The following TMEM132C variants were observed in gnomAD, a reference collection of about 807,000 sequenced individuals.
TMEM132C encodes the protein protein phosphatase 1, regulatory subunit 152.
TMEM132C carries 29 observed loss-of-function variants against 61.4 expected under a neutral mutation model. The ratio of observed to expected loss-of-function variants is 0.47; its 90% CI spans 0.35 to 0.64. The LOEUF is 0.64. Among genes scored for constraint, TMEM132C ranks in the 30% least tolerant of loss-of-function variants. The probability of loss-of-function intolerance (pLI) is 0.00; values close to 1 mark genes in which losing one functional copy is unlikely to be tolerated. For synonymous variants in TMEM132C, 656 were observed against 633.1 expected (o/e 1.04, Z -0.54); for missense variants, 1,408 against 1,476.9 (o/e 0.95, Z 0.76).
chr12:128,604,041 T>G (rs1479824881), intron 3 of TMEM132C, among the ~76,000 whole-genome samples: 2 of 152,202 alleles, frequency 1.3e-5, no homozygotes, highest in Non-Finnish European at 2.9e-5. Flanking sequence ...AGGTTTTCCC[T>G]CCGTGTCTCT....
intron 2 of TMEM132C, among the ~76,000 whole-genome samples, chr12:128,473,545 C>T (rs796351650): frequency 7.6e-6 from 1 of 131,434 alleles, no homozygotes; most frequent in Admixed American, 7.5e-5. Context: ...CATCTTCACT[C>T]CAGCATCCAT....
chr12:128,271,680 G>A (rs113580730), intron 1 of TMEM132C, among the ~76,000 whole-genome samples: 1 of 152,242 alleles, frequency 6.6e-6, no homozygotes, highest in East Asian at 1.9e-4. Flanking sequence ...CTCTTCCTCT[G>A]CTCACTCGCC....
At chr12:128,294,114 C>T (rs1871330771) in intron 1 of TMEM132C, 1 of 154,664 alleles carries the variant, frequency 6.5e-6, no homozygotes, top group African/African-American at 2.4e-5. Flanking sequence ...GAGGAGGCAT[C>T]TTGAGAAATG....
intron 1 of TMEM132C, among the ~76,000 whole-genome samples, chr12:128,276,690 GT>G (rs1165998287): frequency 6.6e-6 from 1 of 152,090 alleles, no homozygotes; most frequent in Non-Finnish European, 1.5e-5. Flanking sequence ...CCATAATTAT[GT>G]TTACTTTTGC....
intron 2 of TMEM132C, among the ~76,000 whole-genome samples, chr12:128,503,443 AC>A (rs1872247968): frequency 6.6e-6 from 1 of 152,096 alleles, no homozygotes. Flanking sequence ...CTTCCAGTGG[AC>A]CCCTAATGTA....
chr12:128,486,073 G>A (rs1871483612), intron 2 of TMEM132C, among the ~76,000 whole-genome samples: 1 of 152,164 alleles, frequency 6.6e-6, no homozygotes, highest in South Asian at 2.1e-4. Context: ...TTAGAAATGT[G>A]ACAATGCAAT....
chr12:128,600,979 G>C (rs1876163963), intron 3 of TMEM132C, among the ~76,000 whole-genome samples: 1 of 152,122 alleles, frequency 6.6e-6, no homozygotes, highest in Non-Finnish European at 1.5e-5. Flanking sequence ...TTATCCTTTT[G>C]CATAGTTAAT....
intron 3 of TMEM132C, among the ~76,000 whole-genome samples, chr12:128,602,437 C>A (rs1459198816): frequency 6.6e-6 from 1 of 152,224 alleles, no homozygotes; most frequent in South Asian, 2.1e-4. Context: ...ACCTCTCGAG[C>A]TCTGCCTGAT....
intron 2 of TMEM132C, among the ~76,000 whole-genome samples, chr12:128,465,069 C>T (rs1870683283): frequency 6.6e-6 from 1 of 152,110 alleles, no homozygotes; most frequent in Admixed American, 6.5e-5. Context: ...CTTGAGACGT[C>T]CTCCTATGCT....
In TMEM132C at chr12:128,648,752, C is replaced by T. The variant is rs563549981; in HGVS notation, c.1306-20665C>T. ...GAGTGTGTTTACTGGAGTCCATTGG[C>T]GTTGGATGTGAGTGTGTTTAGCTCA... is the stretch of plus-strand genomic sequence containing the variant. On this transcript the variant is annotated intron_variant, in intron 4 of 8. Coordinates refer to ENST00000435159, the MANE Select transcript of TMEM132C (RefSeq NM_001136103.3). 2.5e-4 allele frequency among the ~76,000 whole-genome samples: 38 copies of T among 150,068 alleles called. 1 individual carries two copies. In the East Asian group the frequency reaches 7.7e-3, roughly 30 times the overall value.
intron 2 of TMEM132C, among the ~76,000 whole-genome samples, chr12:128,495,148 T>C (rs7316297): frequency 0.51 from 76,200 of 148,586 alleles, 19,912 homozygotes; most frequent in African/African-American, 0.59. Flanking sequence ...TGTAGTTGAG[T>C]GGTTTTGAGT....
At chr12:128,434,837 G>A (rs184624872) in intron 2 of TMEM132C, among the ~76,000 whole-genome samples, 3 of 151,076 alleles carry the variant, frequency 2.0e-5, no homozygotes, top group Admixed American at 2.0e-4. Context: ...GCCTAGGCTG[G>A]TCTCAAACTC....
chr12:128,427,655 G>A (rs1869241982), intron 2 of TMEM132C, among the ~76,000 whole-genome samples: 2 of 151,998 alleles, frequency 1.3e-5, no homozygotes, highest in African/African-American at 4.8e-5. Context: ...TTAGGTGAAC[G>A]CACATCCACC....
chr12:128,537,342 C>T (rs1021427591), intron 2 of TMEM132C, among the ~76,000 whole-genome samples: 1 of 152,136 alleles, frequency 6.6e-6, no homozygotes. Flanking sequence ...GGCTGGTTTC[C>T]GTTTAGCCCT....
At chr12:128,334,862 C>T (rs1445301432) in intron 1 of TMEM132C, among the ~76,000 whole-genome samples, 1 of 152,208 alleles carries the variant, frequency 6.6e-6, no homozygotes, top group Admixed American at 6.5e-5. Flanking sequence ...TCTCAAAGTG[C>T]TGGGATTACA....
At chr12:128,460,336 C>T (rs1870491281) in intron 2 of TMEM132C, among the ~76,000 whole-genome samples, 1 of 152,196 alleles carries the variant, frequency 6.6e-6, no homozygotes, top group Non-Finnish European at 1.5e-5. Flanking sequence ...GCTTCATTCT[C>T]AGGCAGCCTC....
intron 3 of TMEM132C, among the ~76,000 whole-genome samples, chr12:128,614,282 T>C (rs546029538): frequency 6.6e-6 from 1 of 152,346 alleles, no homozygotes; most frequent in East Asian, 1.9e-4. Flanking sequence ...AGGCTCTACA[T>C]TGACTGATGC....
chr12:128,440,028 T>A (rs1031020712), intron 2 of TMEM132C, among the ~76,000 whole-genome samples: 1 of 152,244 alleles, frequency 6.6e-6, no homozygotes, highest in African/African-American at 2.4e-5. Flanking sequence ...TGCTTTTCTC[T>A]TTCTGTTTGG....
intron 2 of TMEM132C, among the ~76,000 whole-genome samples, chr12:128,489,061 T>C (rs1226783335): frequency 6.6e-6 from 1 of 152,124 alleles, no homozygotes; most frequent in African/African-American, 2.4e-5. Flanking sequence ...GATCACATAA[T>C]TAAAGACCAA....
Sources: gnomAD v4.1 joint callset for allele counts (sites outside exome capture counted in the v4.1 genomes callset) on GRCh38, gnomAD v4.1.1 for gene constraint, MANE v1.5 for transcripts, NCBI Gene and HGNC (gene_info 2026-07-23, HGNC 2026-07-21) for gene names.